Variants in ATP11B observed in about 807,000 individuals in gnomAD.
ATP11B encodes the protein ATPase phospholipid transporting 11B (putative), also known as phospholipid-transporting ATPase IF.
Under a neutral mutation model 157.8 loss-of-function variants are expected in ATP11B, and 81 were observed. The ratio of observed to expected loss-of-function variants is 0.51; its 90% CI spans 0.43 to 0.62. ATP11B has a LOEUF of 0.62. Ranked by LOEUF, ATP11B falls within the 20% of genes least tolerant of loss-of-function variation. ATP11B has a pLI of 0.00. For synonymous variants in ATP11B, 451 were observed against 469.4 expected (o/e 0.96, Z 0.51); for missense variants, 1,165 against 1,402.2 (o/e 0.83, Z 2.70).
Position 182,859,285 on chromosome 3 carries a change from C to G in ATP11B, c.1126C>G (p.Leu376Val). Residue 376 changes from leucine (L) to valine (V), a missense_variant, in exon 12 of 30, where the codon CTT becomes GTT. Transcript: ENST00000323116. The stretch of plus-strand genomic sequence containing the variant: ...TGGATCATTTTTTATTGGCTGGGAT[C>G]TTGATCTGTATCATGAAGAATCAGA... ...FLGSFFIGWDLDLYHEESDQK... is the reference protein window; with the variant it reads ...FLGSFFIGWDVDLYHEESDQK... 1 of 1,611,564 alleles carries G rather than the reference C, an allele frequency of 6.2e-7. No homozygotes were observed. The highest frequency in any genetic ancestry group is 8.5e-7 in the Non-Finnish European group (1 of 1,178,632).
At chr3:182,849,195 C>T (rs534882788) in intron 10 of ATP11B, among the ~76,000 whole-genome samples, 1 of 152,262 alleles carries the variant, frequency 6.6e-6, no homozygotes, top group South Asian at 2.1e-4. Flanking sequence ...TGGCTGACTG[C>T]TAGAACTATA....
At chr3:182,895,112 CAAAAAAA>C (rs368282275) in intron 25 of ATP11B, among the ~76,000 whole-genome samples, 5 of 68,266 alleles carry the variant, frequency 7.3e-5, no homozygotes, top group Admixed American at 3.5e-4. Flanking sequence ...GACCCTGACT[CAAAAAAA>C]AAAAAAAAAA....
intron 29 of ATP11B, chr3:182,916,638 TAGAA>T (rs1304272507): frequency 1.0e-6 from 1 of 983,310 alleles, no homozygotes; most frequent in Non-Finnish European, 1.2e-6. Flanking sequence ...ATCTTCTAAA[TAGAA>T]AGTAATATGT....
intron 4 of ATP11B, among the ~76,000 whole-genome samples, chr3:182,832,844 G>A (rs1718256575): frequency 6.6e-6 from 1 of 152,196 alleles, no homozygotes; most frequent in Non-Finnish European, 1.5e-5. Context: ...GTTCAATAGA[G>A]TAGTAGTAAA....
intron 28 of ATP11B, among the ~76,000 whole-genome samples, chr3:182,908,923 C>T (rs1224319695): frequency 1.3e-5 from 2 of 152,106 alleles, no homozygotes; most frequent in African/African-American, 4.8e-5. Context: ...CCAAATAACT[C>T]CTTGAAGGCC....
At chr3:182,905,224 A>G in intron 28 of ATP11B, among the ~76,000 whole-genome samples, 1 of 152,238 alleles carries the variant, frequency 6.6e-6, no homozygotes, top group East Asian at 1.9e-4. Context: ...ATGGCTATGG[A>G]AACATTTTAA....
intron 29 of ATP11B, chr3:182,917,619 G>GT (rs367891260): frequency 2.7e-5 from 27 of 985,264 alleles, no homozygotes; most frequent in Middle Eastern, 5.2e-4. Context: ...ACATACTACT[G>GT]TTTCATTCCA....
At chr3:182,843,805 A>G (rs1355661487) in intron 8 of ATP11B, 3 of 152,226 alleles carry the variant, frequency 2.0e-5, no homozygotes, top group Admixed American at 6.5e-5. Context: ...TATAACAGAA[A>G]GAGTTGAGCA....
At chr3:182,856,067 A>G (rs1720374381) in intron 10 of ATP11B, among the ~76,000 whole-genome samples, 1 of 152,178 alleles carries the variant, frequency 6.6e-6, no homozygotes, top group Non-Finnish European at 1.5e-5. Flanking sequence ...TGCTGACACA[A>G]AACCTCAAGC....
rs553709217 is a variant in ATP11B at position 182,831,628 on chromosome 3, G to T, written c.315+1876G>T. On this transcript the variant is annotated intron_variant, in intron 4 of 29. Coordinates refer to ENST00000323116, the MANE Select transcript of ATP11B (RefSeq NM_014616.3). ...CAGCTACACTCCTCTACTTGTCCTC[G>T]AACACAGTAAGCATGCTCCTATCTC... Among the ~76,000 whole-genome samples the T allele has an allele frequency of 5.3e-5, 8 of 150,696 alleles. No homozygotes were observed. In the South Asian group the frequency reaches 1.5e-3, roughly 28 times the overall value.
In ATP11B at chr3:182,869,133, A is replaced by G; in HGVS notation, c.1744A>G (p.Ile582Val). Residue 582 changes from isoleucine to valine, a missense_variant, in exon 16 of 30, where the codon ATT becomes GTT. Coordinates refer to ENST00000323116, the MANE Select transcript of ATP11B (RefSeq NM_014616.3). ...TTCAGATCGTAGGAGAATGAGTGTA[A>G]TTGTTCAGGCACCTTCAGGTAACCA... ...FDSDRRRMSV[I>V]VQAPSGEKLL... 1 of 1,611,794 alleles carries G rather than the reference A, an allele frequency of 6.2e-7. No homozygotes were observed. The highest frequency in any genetic ancestry group is 8.5e-7 in the Non-Finnish European group (1 of 1,178,738).
chr3:182,914,829 A>G (rs1399196342), intron 29 of ATP11B: 1 of 985,254 alleles, frequency 1.0e-6, no homozygotes, highest in African/African-American at 1.7e-5. Context: ...TAGGGGGTAG[A>G]AAGAGCTTTT....
At chr3:182,799,108 T>A (rs1351868505) in intron 1 of ATP11B, among the ~76,000 whole-genome samples, 4 of 152,244 alleles carry the variant, frequency 2.6e-5, no homozygotes, top group African/African-American at 9.6e-5. Context: ...TTCAGAGTGT[T>A]GGTCTGCATT....
At chr3:182,906,708 C>A (rs549092993) in intron 28 of ATP11B, among the ~76,000 whole-genome samples, 4 of 152,052 alleles carry the variant, frequency 2.6e-5, no homozygotes, top group Admixed American at 6.5e-5. Flanking sequence ...GCCTCAGCCT[C>A]CCAAAGTGCT....
intron 24 of ATP11B, 93 bp from the exon 25 acceptor site, chr3:182,889,317 A>G (rs772934527): frequency 1.5e-4 from 134 of 910,158 alleles, no homozygotes; most frequent in Non-Finnish European, 2.0e-4. Flanking sequence ...TTAAAAATCT[A>G]TCTTGTTTTT....
intron 1 of ATP11B, among the ~76,000 whole-genome samples, chr3:182,795,141 A>C (rs1224667654): frequency 6.6e-6 from 1 of 152,104 alleles, no homozygotes; most frequent in Admixed American, 6.5e-5. Flanking sequence ...TATATGCTTT[A>C]TTAGGAAACC....
chr3:182,876,419 C>T (rs899191185), intron 19 of ATP11B, among the ~76,000 whole-genome samples: 14 of 152,150 alleles, frequency 9.2e-5, no homozygotes, highest in African/African-American at 3.4e-4. Flanking sequence ...CTTTTCTGTA[C>T]AAAAGCTGTA....
At chr3:182,897,469 G>A in intron 27 of ATP11B, 63 bp downstream of exon 27, 2 of 1,163,324 alleles carry the variant, frequency 1.7e-6, no homozygotes, top group Non-Finnish European at 2.5e-6. Flanking sequence ...TATTGTGATA[G>A]GTTACATTAT....
chr3:182,820,190 G>A, intron 1 of ATP11B, 70 bp from the exon 2 acceptor site: 1 of 1,000,208 alleles, frequency 1.0e-6, no homozygotes, highest in Non-Finnish European at 1.6e-6. Context: ...GCTAAATAAA[G>A]CTAACAGTAA....
Sources: allele counts gnomAD v4.1 joint callset (sites outside exome capture counted in the v4.1 genomes callset), GRCh38; gene constraint gnomAD v4.1.1; transcripts MANE v1.5; gene names NCBI Gene and HGNC (gene_info 2026-07-23, HGNC 2026-07-21).